The following TAF3 variants were observed in gnomAD, a reference collection of about 807,000 sequenced individuals.
TAF3 encodes TATA-box binding protein associated factor 3, also known as transcription initiation factor TFIID subunit 3.
A neutral mutation model predicts 80.6 loss-of-function variants in TAF3; 7 were observed. That is an observed-to-expected ratio of 0.09 (90% CI 0.05 to 0.16). The LOEUF (loss-of-function observed/expected upper bound fraction) is 0.16, where lower values mean the gene tolerates loss of function less well. Among genes scored for constraint, TAF3 ranks in the 10% least tolerant of loss-of-function variants. The probability of loss-of-function intolerance (pLI) is 1.00; values close to 1 mark genes in which losing one functional copy is unlikely to be tolerated. For missense variants in TAF3, 921 were observed against 1,140.2 expected (o/e 0.81, Z 2.77); for synonymous variants, 444 against 446.1 (o/e 1.00, Z 0.06).
At chr10:7,970,806 C>G (rs74230014) in intron 3 of TAF3, among the ~76,000 whole-genome samples, 3 of 152,138 alleles carry the variant, frequency 2.0e-5, no homozygotes, top group African/African-American at 7.2e-5. Context: ...ACGGTTTGTT[C>G]TTTAGAGAAT....
At chr10:8,013,625 G>A (rs1280146155) in intron 5 of TAF3, 106 bp from the exon 6 acceptor site, 1 of 784,170 alleles carries the variant, frequency 1.3e-6, no homozygotes, top group Non-Finnish European at 2.1e-6. Context: ...AGTTTAATAT[G>A]CCTGTTTATT....
intron 4 of TAF3, among the ~76,000 whole-genome samples, chr10:7,991,883 A>G (rs879791092): frequency 2.0e-5 from 3 of 152,248 alleles, no homozygotes; most frequent in East Asian, 1.9e-4. Flanking sequence ...CCAGTGAGAT[A>G]CAAATCTTAA....
At chr10:7,903,296 C>A (rs563891262) in intron 2 of TAF3, among the ~76,000 whole-genome samples, 5 of 152,258 alleles carry the variant, frequency 3.3e-5, no homozygotes, top group African/African-American at 9.6e-5. Context: ...AAATGAGAGG[C>A]CCCTACAGGT....
At chr10:7,829,616 A>G (rs1483699273) in intron 2 of TAF3, among the ~76,000 whole-genome samples, 5 of 152,218 alleles carry the variant, frequency 3.3e-5, no homozygotes, top group African/African-American at 1.2e-4. Context: ...ACAGAGGTCA[A>G]GGGCCATTTT....
At chr10:7,941,476 G>A (rs562057573) in intron 2 of TAF3, among the ~76,000 whole-genome samples, 3 of 152,306 alleles carry the variant, frequency 2.0e-5, no homozygotes, top group African/African-American at 7.2e-5. Flanking sequence ...GGCTGGGGCA[G>A]GTCAGAGAGT....
chr10:7,826,347 G>T (rs1397314900), intron 2 of TAF3, among the ~76,000 whole-genome samples: 1 of 152,098 alleles, frequency 6.6e-6, no homozygotes, highest in Non-Finnish European at 1.5e-5. Context: ...CTCTTAAAGT[G>T]CTATGGTTAT....
At position 8,014,940 on chromosome 10, in the gene TAF3, C is replaced by G; in HGVS notation, c.*189C>G. On this transcript the variant is annotated 3_prime_UTR_variant, in exon 7 of 7. Coordinates refer to ENST00000344293, the MANE Select transcript of TAF3 (RefSeq NM_031923.4). ...ACTCCCGAGCCGCCTTGGCCTGTGG[C>G]TCCGTGGCAGTGCGACAGAAGGAAA... The G allele has an allele frequency of 2.1e-6, 1 of 485,414 alleles. No individual in the cohort carries two copies. The highest frequency in any genetic ancestry group is 2.6e-5 in the South Asian group (1 of 37,752). 30.1% of individuals were successfully genotyped at this position (485,414 alleles called of 1,614,324 possible).
intron 2 of TAF3, among the ~76,000 whole-genome samples, chr10:7,911,148 T>C (rs999128342): frequency 6.6e-6 from 1 of 152,158 alleles, no homozygotes; most frequent in Non-Finnish European, 1.5e-5. Flanking sequence ...AGAAGGTGCT[T>C]TAAGAAAAAA....
At chr10:8,010,484 G>C (rs1832044171) in intron 5 of TAF3, among the ~76,000 whole-genome samples, 1 of 152,164 alleles carries the variant, frequency 6.6e-6, no homozygotes, top group African/African-American at 2.4e-5. Flanking sequence ...TTATGAGCCA[G>C]GTAGTGTTTC....
Position 7,991,045 on chromosome 10 carries a change from T to C in TAF3, c.2315+13722T>C, listed in dbSNP as rs146928672. 6.0e-3 allele frequency among the ~76,000 whole-genome samples: 915 copies of C among 152,304 alleles called. 4 individuals carry two copies. Among genetic ancestry groups the C allele is most frequent in the Non-Finnish European group, 8.2e-3 (557 of 68,022 alleles). ...AAGGTTAGGAGCTGCAGTGACCTTC[T>C]CTTTTCTTTTTTTTCTCTTTTGTAA... On this transcript the variant is annotated intron_variant, in intron 4 of 6. Transcript: ENST00000344293.
chr10:8,014,834 C>T lies in TAF3; in HGVS notation c.*83C>T, dbSNP rs930189915. The T allele has an allele frequency of 6.3e-5, 76 of 1,208,394 alleles. No individual in the cohort carries two copies. The highest frequency in any genetic ancestry group is 6.2e-5 in the Non-Finnish European group (54 of 864,192). 74.9% of individuals were successfully genotyped at this position (1,208,394 alleles called of 1,614,324 possible). A position where few individuals can be genotyped will look rare whatever the true frequency, so the allele number is the denominator to read the frequency against. On this transcript the variant is annotated 3_prime_UTR_variant, in exon 7 of 7. Transcript: ENST00000344293. ...TGGAAGGGAGCTGGTGCAAGTCTGC[C>T]GTCACATCCACCCCCAGATGCCTGT... is the stretch of plus-strand genomic sequence containing the variant.
chr10:7,865,850 T>C (rs565942617), intron 2 of TAF3, among the ~76,000 whole-genome samples: 97 of 152,330 alleles, frequency 6.4e-4, no homozygotes, highest in African/African-American at 2.2e-3. Context: ...TTTCTGCTCC[T>C]TCTAGCTGCT....
chr10:8,014,748 C>A lies in TAF3; in HGVS notation c.2787C>A (p.His929Gln). ...ACAAGAAGAGGAAGCATCGAGCCCACTGACGACTCCCGAGGGGCTGGACCA... is the reference window on the plus strand; with the variant it reads ...ACAAGAAGAGGAAGCATCGAGCCCAATGACGACTCCCGAGGGGCTGGACCA... ...KKHKKRKHRAH is the reference protein window; with the variant it reads ...KKHKKRKHRAQ Residue 929 changes from histidine to glutamine, a missense_variant, in exon 7 of 7, where the codon CAC becomes CAA. By Grantham distance (24) the His-to-Gln change is conservative. Coordinates refer to ENST00000344293, the MANE Select transcript of TAF3 (RefSeq NM_031923.4). 6.3e-7 allele frequency: 1 copy of A among 1,588,806 alleles called. No homozygotes were observed. The highest frequency in any genetic ancestry group is 8.6e-7 in the Non-Finnish European group (1 of 1,167,432).
intron 2 of TAF3, among the ~76,000 whole-genome samples, chr10:7,945,091 A>G (rs926576600): frequency 4.6e-5 from 7 of 152,218 alleles, no homozygotes; most frequent in Non-Finnish European, 8.8e-5. Flanking sequence ...ACAAAATAGG[A>G]TAAGGCTTTG....
intron 2 of TAF3, among the ~76,000 whole-genome samples, chr10:7,949,090 C>G (rs147213291): frequency 6.6e-6 from 1 of 152,148 alleles, no homozygotes; most frequent in Non-Finnish European, 1.5e-5. Context: ...ACTTTTTTAT[C>G]GACTGCTCTT....
chr10:7,884,755 G>A (rs1224955769), intron 2 of TAF3, among the ~76,000 whole-genome samples: 1 of 152,112 alleles, frequency 6.6e-6, no homozygotes, highest in Admixed American at 6.6e-5. Flanking sequence ...CTATTACAAT[G>A]TCATTGCTTT....
chr10:7,992,581 G>A (rs1381472844), intron 4 of TAF3, among the ~76,000 whole-genome samples: 1 of 148,870 alleles, frequency 6.7e-6, no homozygotes, highest in Non-Finnish European at 1.5e-5. Context: ...GTAAAATTTA[G>A]AAATGGAGAA....
At chr10:7,828,863 G>A (rs1264108841) in intron 2 of TAF3, among the ~76,000 whole-genome samples, 1 of 149,496 alleles carries the variant, frequency 6.7e-6, no homozygotes, top group Non-Finnish European at 1.5e-5. Flanking sequence ...GTGAAACCCT[G>A]CCTCTACTGA....
Position 7,818,659 on chromosome 10 carries a change from G to C in TAF3, c.-51G>C. The stretch of plus-strand genomic sequence containing the variant: ...GGGGACCCTGCTAAGGTCTGGCGGC[G>C]GGGCTGGAGAGCAGTGGCAGCAAGG... On this transcript the variant is annotated 5_prime_UTR_variant, in exon 1 of 7. Coordinates refer to ENST00000344293, the MANE Select transcript of TAF3 (RefSeq NM_031923.4). 1 of 1,575,514 alleles carries C rather than the reference G, an allele frequency of 6.3e-7. No homozygotes were observed.
Sources: allele counts gnomAD v4.1 joint callset (sites outside exome capture counted in the v4.1 genomes callset), GRCh38; gene constraint gnomAD v4.1.1; transcripts MANE v1.5; gene names NCBI Gene and HGNC (gene_info 2026-07-23, HGNC 2026-07-21).